The following DPYD variants were observed in gnomAD, a reference collection of about 807,000 sequenced individuals.
DPYD encodes the protein dihydropyrimidine dehydrogenase.
In DPYD, 109 loss-of-function variants were observed where a neutral mutation model predicts 116.2. The observed-to-expected ratio is 0.94, with a 90% CI of 0.80 to 1.10. DPYD has a LOEUF of 1.10. DPYD is among the 50% of genes least tolerant of loss of function. The pLI, the probability that DPYD is intolerant of heterozygous loss-of-function variation, is 0.00. For missense variants in DPYD, 1,302 were observed against 1,254.5 expected, an observed-to-expected ratio of 1.04 and a Z score of -0.57; for synonymous variants, 440 against 432.0, an observed-to-expected ratio of 1.02 and a Z score of -0.23.
intron 19 of DPYD, among the ~76,000 whole-genome samples, chr1:97,227,656 C>CTT (rs1475579434): frequency 0.026 from 4,018 of 151,846 alleles, 182 homozygotes; most frequent in African/African-American, 0.092. Context: ...GTTTTCTCAG[C>CTT]ACTGCTTAAA....
intron 16 of DPYD, among the ~76,000 whole-genome samples, chr1:97,342,314 CTAATT>C (rs1278267457): frequency 3.3e-5 from 5 of 152,012 alleles, no homozygotes; most frequent in Admixed American, 6.6e-5. Flanking sequence ...CGAAGAACAA[CTAATT>C]TAATTTTTCA....
intron 18 of DPYD, among the ~76,000 whole-genome samples, chr1:97,303,305 C>T (rs1050936399): frequency 6.6e-6 from 1 of 151,976 alleles, no homozygotes; most frequent in Non-Finnish European, 1.5e-5. Flanking sequence ...TGAAAGCAGA[C>T]ATTGCCATGC....
At chr1:97,575,920 T>C (rs1320231293) in intron 10 of DPYD, among the ~76,000 whole-genome samples, 1 of 152,178 alleles carries the variant, frequency 6.6e-6, no homozygotes. Flanking sequence ...ACTTTTTTTT[T>C]CTCTGAATCA....
chr1:97,577,262 T>A (rs1653327350), intron 10 of DPYD, among the ~76,000 whole-genome samples: 1 of 152,152 alleles, frequency 6.6e-6, no homozygotes, highest in Non-Finnish European at 1.5e-5. Flanking sequence ...GTGTGGTGGA[T>A]CAAGATATTT....
intron 8 of DPYD, among the ~76,000 whole-genome samples, chr1:97,650,113 G>C (rs766392064): frequency 6.6e-6 from 1 of 151,868 alleles, no homozygotes; most frequent in Admixed American, 6.6e-5. Context: ...CCTCCACTTA[G>C]GGGATGTTCC....
At chr1:97,171,319 G>A (rs1362014559) in intron 20 of DPYD, among the ~76,000 whole-genome samples, 1 of 152,162 alleles carries the variant, frequency 6.6e-6, no homozygotes, top group Non-Finnish European at 1.5e-5. Flanking sequence ...AGTAAGTATT[G>A]TATTATTTCT....
intron 13 of DPYD, among the ~76,000 whole-genome samples, chr1:97,495,745 T>C (rs1238271072): frequency 1.3e-5 from 2 of 152,050 alleles, no homozygotes; most frequent in Non-Finnish European, 2.9e-5. Context: ...ATCAAGTTAA[T>C]TAATCATATT....
intron 20 of DPYD, among the ~76,000 whole-genome samples, chr1:97,176,206 G>T (rs1053377349): frequency 1.3e-5 from 2 of 152,178 alleles, no homozygotes; most frequent in African/African-American, 2.4e-5. Flanking sequence ...TCAGAAAAGT[G>T]GGGGGAGAGT....
chr1:97,616,997 T>C (rs2100761005), intron 8 of DPYD, among the ~76,000 whole-genome samples: 1 of 152,224 alleles, frequency 6.6e-6, no homozygotes, highest in African/African-American at 2.4e-5. Flanking sequence ...GTGATTCTAC[T>C]GCAAGACCAT....
chr1:97,138,641 T>C (rs1452469671), intron 20 of DPYD, among the ~76,000 whole-genome samples: 1 of 152,116 alleles, frequency 6.6e-6, no homozygotes, highest in Non-Finnish European at 1.5e-5. Flanking sequence ...AAAATGTTCA[T>C]AAAGGTTGGG....
chr1:97,339,280 C>A (rs558401991), intron 16 of DPYD, among the ~76,000 whole-genome samples: 61 of 152,128 alleles, frequency 4.0e-4, no homozygotes, highest in African/African-American at 1.4e-3. Flanking sequence ...AATAAAAATT[C>A]TGTTGAAGAA....
At chr1:97,449,600 T>C (rs986014241) in intron 14 of DPYD, among the ~76,000 whole-genome samples, 2 of 152,222 alleles carry the variant, frequency 1.3e-5, no homozygotes, top group Middle Eastern at 3.2e-3. Context: ...GATAGTTGAC[T>C]AATTTAGTAT....
At chr1:97,533,156 G>A (rs913480415) in intron 12 of DPYD, among the ~76,000 whole-genome samples, 5 of 151,272 alleles carry the variant, frequency 3.3e-5, no homozygotes, top group African/African-American at 7.3e-5. Context: ...CCACCATGCC[G>A]CACCTCCAGC....
chr1:97,897,891 T>C (rs964168767), intron 1 of DPYD, among the ~76,000 whole-genome samples: 14 of 151,968 alleles, frequency 9.2e-5, no homozygotes, highest in Non-Finnish European at 1.9e-4. Flanking sequence ...GCCTAGTTAT[T>C]TTTAATTGGA....
chr1:97,084,754 T>C (rs1329191244), intron 21 of DPYD, among the ~76,000 whole-genome samples: 1 of 152,220 alleles, frequency 6.6e-6, no homozygotes, highest in Non-Finnish European at 1.5e-5. Flanking sequence ...CTGACTCATT[T>C]GTTATTCTGT....
chr1:97,195,432 T>C lies in DPYD; in HGVS notation c.2443-2184A>G, dbSNP rs976794775. On this transcript the variant is annotated intron_variant, in intron 19 of 22. Coordinates refer to ENST00000370192, the MANE Select transcript of DPYD (RefSeq NM_000110.4). Reference sequence around the variant, plus strand: ...TTTATTGTAAGCCTCGTGCCTAGCATGCTACCTGATACCTCATTGTTGCTA... The same window carrying C: ...TTTATTGTAAGCCTCGTGCCTAGCACGCTACCTGATACCTCATTGTTGCTA... 1.1e-4 allele frequency among the ~76,000 whole-genome samples: 17 copies of C among 149,522 alleles called. 1 individual carries two copies. The highest frequency in any genetic ancestry group is 1.5e-5 in the Non-Finnish European group (1 of 67,478).
chr1:97,673,230 G>C (rs1291462966), intron 8 of DPYD, among the ~76,000 whole-genome samples: 1 of 151,882 alleles, frequency 6.6e-6, no homozygotes, highest in Admixed American at 6.6e-5. Flanking sequence ...TCGACATCAA[G>C]GACCATTTTA....
At chr1:97,272,333 T>C (rs147257843) in intron 18 of DPYD, among the ~76,000 whole-genome samples, 34 of 152,282 alleles carry the variant, frequency 2.2e-4, no homozygotes, top group African/African-American at 7.2e-4. Flanking sequence ...TAATCAGCTA[T>C]GGTATGTCTT....
intron 8 of DPYD, among the ~76,000 whole-genome samples, chr1:97,665,456 A>G (rs996651785): frequency 8.5e-5 from 13 of 152,130 alleles, no homozygotes; most frequent in Admixed American, 8.5e-4. Context: ...AGTATCACAA[A>G]GGCCAATCTG....
Sources: allele counts gnomAD v4.1 joint callset (sites outside exome capture counted in the v4.1 genomes callset), GRCh38; gene constraint gnomAD v4.1.1; transcripts MANE v1.5; gene names NCBI Gene and HGNC (gene_info 2026-07-23, HGNC 2026-07-21).